The following HOMER3 variants were observed in gnomAD, a reference collection of about 807,000 sequenced individuals.
The protein encoded by HOMER3 is homer protein homolog 3.
In HOMER3, 34 loss-of-function variants were observed where a neutral mutation model predicts 45.5. The observed-to-expected ratio is 0.75, with a 90% CI of 0.57 to 1.00. The LOEUF is 1.00. Ranked by LOEUF, HOMER3 falls within the 50% of genes least tolerant of loss-of-function variation. The probability of loss-of-function intolerance (pLI) is 0.00; values close to 1 mark genes in which losing one functional copy is unlikely to be tolerated. For synonymous variants in HOMER3, 223 were observed against 208.8 expected, an observed-to-expected ratio of 1.07 and a Z score of -0.58; for missense variants, 480 against 497.5, an observed-to-expected ratio of 0.96 and a Z score of 0.33.
chr19:18,932,799 T>C lies in HOMER3; in HGVS notation c.533+125A>G, dbSNP rs988662300. ...GGGCAGCATTCAGATCCTCATCCCCTTCCCCAGGTCTTGAGTCCACAGTTA... is the reference window on the plus strand; with the variant it reads ...GGGCAGCATTCAGATCCTCATCCCCCTCCCCAGGTCTTGAGTCCACAGTTA... On this transcript the variant is annotated intron_variant, in intron 6 of 9. Coordinates refer to ENST00000392351, the MANE Select transcript of HOMER3 (RefSeq NM_004838.4). 35 of 737,688 alleles carry C rather than the reference T, an allele frequency of 4.7e-5. No individual in the cohort carries two copies. The South Asian group carries it at 5.0e-4, about 11-fold the overall frequency. 45.7% of individuals were successfully genotyped at this position (737,688 alleles called of 1,614,324 possible).
In HOMER3 at chr19:18,937,085, C is replaced by T. The variant is rs142604911; in HGVS notation, c.303+1268G>A. 1.7e-3 allele frequency among the ~76,000 whole-genome samples: 260 copies of T among 151,716 alleles called. 1 individual carries two copies. The East Asian group carries it at 0.039, about 23-fold the overall frequency. ...CTTTAGGAGGCCAAAGTGAGAGGCT[C>T]GCTTGAGGCCAGGAGTCAAGAACAG... On this transcript the variant is annotated intron_variant, in intron 4 of 9. Transcript: ENST00000392351.
chr19:18,939,329 T>G, intron 1 of HOMER3: 1 of 264,272 alleles, frequency 3.8e-6, no homozygotes. Flanking sequence ...CCGTCCCAGC[T>G]ACTGGGGAGG....
At chr19:18,933,490 G>A (rs2057060697) in intron 5 of HOMER3, among the ~76,000 whole-genome samples, 1 of 152,190 alleles carries the variant, frequency 6.6e-6, no homozygotes, top group Non-Finnish European at 1.5e-5. Flanking sequence ...GGCTCTGAGG[G>A]TAGACAAGCT....
intron 4 of HOMER3, among the ~76,000 whole-genome samples, 175 bp downstream of exon 4, chr19:18,938,178 A>G (rs183268021): frequency 6.6e-6 from 1 of 152,098 alleles, no homozygotes; most frequent in East Asian, 1.9e-4. Flanking sequence ...AAACAGAAAA[A>G]TGAACTAGGA....
chr19:18,932,258 A>T, intron 6 of HOMER3, 126 bp from the exon 7 acceptor site: 2 of 614,468 alleles, frequency 3.3e-6, no homozygotes, highest in Non-Finnish European at 4.2e-6. Flanking sequence ...AAGGCTGGCG[A>T]GGGTGCGGAG....
chr19:18,938,624 G>GCTTAGGGTTT, intron 3 of HOMER3, 104 bp downstream of exon 3: 3 of 1,503,316 alleles, frequency 2.0e-6, no homozygotes, highest in Non-Finnish European at 2.7e-6. Flanking sequence ...GCCTGGGAAG[G>GCTTAGGGTTT]CTTAGGGTTT....
At chr19:18,932,534 G>A (rs2057047731) in intron 6 of HOMER3, among the ~76,000 whole-genome samples, 1 of 152,084 alleles carries the variant, frequency 6.6e-6, no homozygotes, top group Non-Finnish European at 1.5e-5. Context: ...CAGAAGCGGG[G>A]TCTTGTCGAG....
Position 18,932,006 on chromosome 19 carries a change from C to T in HOMER3, c.660G>A (p.Gln220=). 2 of 1,546,498 alleles carry T rather than the reference C, an allele frequency of 1.3e-6. No individual in the cohort carries two copies. Among genetic ancestry groups the T allele is most frequent in the Non-Finnish European group, 1.7e-6 (2 of 1,146,076 alleles). The stretch of plus-strand genomic sequence containing the variant: ...GCCGCAGCCGCTCGGCCTCTGCACG[C>T]TGAGCCTCCAGCTGCTGCCTCCACT... ...AAQWRQQLEA[Q]RAEAERLRQR... The change falls in exon 7 of 10, where the codon CAG becomes CAA. Residue 220 remains glutamine (Q), a synonymous_variant. Transcript: ENST00000392351.
chr19:18,938,705 C>CG, intron 3 of HOMER3, 23 bp downstream of exon 3: 4 of 1,532,694 alleles, frequency 2.6e-6, no homozygotes, highest in Non-Finnish European at 3.6e-6. Context: ...GGTGCCTCTG[C>CG]CCCACCCAGA....
chr19:18,929,976 G>A (rs1390081245), intron 9 of HOMER3, among the ~76,000 whole-genome samples: 4 of 151,862 alleles, frequency 2.6e-5, no homozygotes, highest in Admixed American at 6.6e-5. Flanking sequence ...ACCACGCCCA[G>A]TGATGGCTTA....
intron 6 of HOMER3, among the ~76,000 whole-genome samples, chr19:18,932,403 T>C (rs1051758776): frequency 1.8e-5 from 2 of 113,234 alleles, no homozygotes; most frequent in East Asian, 2.6e-4. Flanking sequence ...TCACGGGCGA[T>C]GCTGGGCTAG....
In HOMER3 at chr19:18,938,771, G is replaced by A. The variant is rs1217597037; in HGVS notation, c.128C>T (p.Ala43Val). Reference protein sequence around the residue: ...HALTVSYFYDATRNVYRIISI... With the variant: ...HALTVSYFYDVTRNVYRIISI... ...GATGATGCGGTACACATTGCGGGTG[G>A]CATCGTAGAAATAGGAGACAGTGAG... The change falls in exon 3 of 10, where the codon GCC (alanine) becomes GTC (valine). Residue 43 changes from alanine to valine, a missense_variant. By Grantham distance (64) the Ala-to-Val change is moderately conservative (BLOSUM62 0). Coordinates refer to ENST00000392351, the MANE Select transcript of HOMER3 (RefSeq NM_004838.4). 1 of 1,599,786 alleles carries A rather than the reference G, an allele frequency of 6.3e-7. No individual in the cohort carries two copies. Among genetic ancestry groups the A allele is most frequent in the Non-Finnish European group, 8.5e-7 (1 of 1,173,394 alleles).
rs1389452700 is a variant in HOMER3 at position 18,932,041 on chromosome 19, C to T, written c.625G>A (p.Ala209Thr). The part of the protein sequence containing the change: ...LAGALREANA[A>T]AAQWRQQLEA... The stretch of plus-strand genomic sequence containing the variant: ...AGCTGCTGCCTCCACTGGGCTGCGG[C>T]GGCGTTGGCCTCTCGCAGGGCGCCT... Residue 209 changes from alanine (A) to threonine (T), a missense_variant, in exon 7 of 10, where the codon GCC becomes ACC. By Grantham distance (58) the Ala-to-Thr change is moderately conservative (BLOSUM62 0). Coordinates refer to ENST00000392351, the MANE Select transcript of HOMER3 (RefSeq NM_004838.4). The T allele has an allele frequency of 1.9e-6, 3 of 1,552,942 alleles. No individual in the cohort carries two copies. Among genetic ancestry groups the T allele is most frequent in the East Asian group, 2.4e-5 (1 of 41,014 alleles).
chr19:18,936,711 C>T (rs111980284), intron 4 of HOMER3, among the ~76,000 whole-genome samples: 1,973 of 148,922 alleles, frequency 0.013, 39 homozygotes, highest in African/African-American at 0.046. Context: ...TTGTTGGGGC[C>T]GGGCGCGGTG....
Position 18,934,292 on chromosome 19 carries a change from G to A in HOMER3, c.411+11C>T. 1 of 1,460,138 alleles carries A rather than the reference G, an allele frequency of 6.8e-7. No individual in the cohort carries two copies. 90.4% of individuals were successfully genotyped at this position (1,460,138 alleles called of 1,614,324 possible). A position where few individuals can be genotyped will look rare whatever the true frequency, so the allele number is the denominator to read the frequency against. ...TGCCCAGGCAGGCATAGGGGAGTAG[G>A]GAGTGCTGACCTGGTGGGAGGCGAG... On this transcript the variant is annotated intron_variant, in intron 5 of 9. Transcript: ENST00000392351.
Position 18,938,347 on chromosome 19 carries a change from G to C in HOMER3, c.303+6C>G, listed in dbSNP as rs773002809. ...TTCCCTCCACTCTCCCCCTCACCCG[G>C]CCCACCTGTGTCAGATGCTGTTCAG... On this transcript the variant is annotated splice_donor_region_variant and intron_variant, in intron 4 of 9. Coordinates refer to ENST00000392351, the MANE Select transcript of HOMER3 (RefSeq NM_004838.4). 3.1e-6 allele frequency: 5 copies of C among 1,599,434 alleles called. No homozygotes were observed. The African/African-American group carries it at 5.4e-5, about 17-fold the overall frequency.
In HOMER3 at chr19:18,930,672, C is replaced by T. The variant is rs557582650; in HGVS notation, c.894+653G>A. On this transcript the variant is annotated intron_variant, in intron 9 of 9. Coordinates refer to ENST00000392351, the MANE Select transcript of HOMER3 (RefSeq NM_004838.4). ...GGCAGATTGCTCACGGTCAGGAGTT[C>T]GAGACCAGTCTGGCCAACATGAGGA... Among the ~76,000 whole-genome samples the T allele has an allele frequency of 1.2e-4, 18 of 151,704 alleles. No individual in the cohort carries two copies. The East Asian group carries it at 2.5e-3, about 21-fold the overall frequency.
intron 5 of HOMER3, among the ~76,000 whole-genome samples, chr19:18,933,566 C>CT (rs796387259): frequency 6.6e-6 from 1 of 152,184 alleles, no homozygotes; most frequent in Non-Finnish European, 1.5e-5. Context: ...GAGGCTCATG[C>CT]TTTTTTTCAT....
At chr19:18,932,531 G>A (rs934502970) in intron 6 of HOMER3, among the ~76,000 whole-genome samples, 3 of 152,186 alleles carry the variant, frequency 2.0e-5, no homozygotes, top group Admixed American at 2.0e-4. Flanking sequence ...CCGCAGAAGC[G>A]GGGTCTTGTC....
Sources: gnomAD v4.1 joint callset for allele counts (sites outside exome capture counted in the v4.1 genomes callset) on GRCh38, gnomAD v4.1.1 for gene constraint, MANE v1.5 for transcripts, NCBI Gene and HGNC (gene_info 2026-07-23, HGNC 2026-07-21) for gene names.